The following FAM83D variants were observed in gnomAD, a reference collection of about 807,000 sequenced individuals.
FAM83D encodes scaffolding CK1 anchoring protein D, also known as protein FAM83D.
Under a neutral mutation model 25.4 loss-of-function variants are expected in FAM83D, and 26 were observed. The ratio of observed to expected loss-of-function variants is 1.02; its 90% CI spans 0.75 to 1.42. The LOEUF (loss-of-function observed/expected upper bound fraction) is 1.42, where lower values mean the gene tolerates loss of function less well. FAM83D is among the 40% of genes most tolerant of loss of function. FAM83D has a pLI of 0.00. For missense variants in FAM83D, 740 were observed against 758.1 expected (o/e 0.98, Z 0.28); for synonymous variants, 310 against 318.5 (o/e 0.97, Z 0.28).
At chr20:38,937,600 G>T (rs1419761506) in intron 1 of FAM83D, among the ~76,000 whole-genome samples, 1 of 152,192 alleles carries the variant, frequency 6.6e-6, no homozygotes, top group East Asian at 1.9e-4. Context: ...GGGGGATGGG[G>T]ATGGGGATTT....
At chr20:38,946,497 C>T (rs952668234) in intron 2 of FAM83D, among the ~76,000 whole-genome samples, 4 of 152,110 alleles carry the variant, frequency 2.6e-5, no homozygotes, top group African/African-American at 9.7e-5. Flanking sequence ...AGCTTTGTGC[C>T]ATGTTATCGT....
intron 3 of FAM83D, among the ~76,000 whole-genome samples, chr20:38,950,830 G>A (rs796715489): frequency 1.5e-4 from 22 of 151,338 alleles, no homozygotes; most frequent in African/African-American, 5.4e-4. Context: ...TTTTTGAGAT[G>A]GAGTCTCGCC....
chr20:38,926,957 G>A, intron 1 of FAM83D, 32 bp downstream of exon 1: 1 of 1,409,612 alleles, frequency 7.1e-7, no homozygotes, highest in African/African-American at 1.5e-5. Context: ...TGGGTCGCAC[G>A]GGAGACCCCC....
At chr20:38,937,539 T>C (rs567667375) in intron 1 of FAM83D, among the ~76,000 whole-genome samples, 2 of 152,066 alleles carry the variant, frequency 1.3e-5, no homozygotes, top group Non-Finnish European at 2.9e-5. Flanking sequence ...TAGCCCCAGG[T>C]CTACTTCAGC....
chr20:38,937,406 C>T (rs1019667619), intron 1 of FAM83D, among the ~76,000 whole-genome samples: 5 of 152,188 alleles, frequency 3.3e-5, no homozygotes, highest in African/African-American at 1.2e-4. Flanking sequence ...TCTGGACCCA[C>T]AGGCTGCAGC....
At chr20:38,938,460 G>A (rs1474847438) in intron 1 of FAM83D, among the ~76,000 whole-genome samples, 7 of 152,184 alleles carry the variant, frequency 4.6e-5, no homozygotes, top group Non-Finnish European at 8.8e-5. Flanking sequence ...TGCCTGCCTC[G>A]ATTGGGTCCA....
In FAM83D at chr20:38,935,741, G is replaced by A. The variant is rs138137604; in HGVS notation, c.484-6218G>A. On this transcript the variant is annotated intron_variant, in intron 1 of 3. Coordinates refer to ENST00000619850, the MANE Select transcript of FAM83D (RefSeq NM_030919.3). The stretch of plus-strand genomic sequence containing the variant: ...GATTACAGATGTGAGCCACCGTGCC[G>A]GGCCTAAATTGTTAATTTGATAATA... Among the ~76,000 whole-genome samples the A allele has an allele frequency of 7.9e-4, 121 of 152,246 alleles. 3 individuals carry two copies. In the East Asian group the frequency reaches 0.016, roughly 20 times the overall value.
intron 1 of FAM83D, among the ~76,000 whole-genome samples, chr20:38,934,964 C>G (rs984440147): frequency 6.6e-6 from 1 of 152,066 alleles, no homozygotes; most frequent in Admixed American, 6.5e-5. Context: ...TTCCATGCTA[C>G]CTTTTACCTA....
At position 38,927,339 on chromosome 20, in the gene FAM83D, C is replaced by T. The variant is rs143773509; in HGVS notation, c.483+414C>T. ...TCTTAGGAGACTCATTACCAAAGAA[C>T]TTACGCAGGGAAAGTTCCAGAAAGA... is the stretch of plus-strand genomic sequence containing the variant. On this transcript the variant is annotated intron_variant, in intron 1 of 3. Coordinates refer to ENST00000619850, the MANE Select transcript of FAM83D (RefSeq NM_030919.3). Among the ~76,000 whole-genome samples the T allele has an allele frequency of 7.3e-3, 1,109 of 152,286 alleles. 12 individuals are homozygous for T. Among genetic ancestry groups the T allele is most frequent in the African/African-American group, 0.02 (839 of 41,562 alleles).
intron 3 of FAM83D, among the ~76,000 whole-genome samples, chr20:38,948,652 T>G (rs914657535): frequency 3.3e-5 from 5 of 152,256 alleles, no homozygotes; most frequent in Non-Finnish European, 7.3e-5. Flanking sequence ...AATGGTTGTA[T>G]GTTCTGCCGC....
intron 1 of FAM83D, among the ~76,000 whole-genome samples, chr20:38,935,061 C>T (rs1251516830): frequency 6.6e-6 from 1 of 151,836 alleles, no homozygotes; most frequent in East Asian, 1.9e-4. Context: ...CCTGTGTATA[C>T]TTGTTTATAT....
rs575803015 is a variant in FAM83D, at chr20:38,927,978, T to C, written c.483+1053T>C. ...CTACTGTCTGACTCTTAGTATGGCA[T>C]GGTCATGGGTGCAATGGAGGTCTTG... On this transcript the variant is annotated intron_variant, in intron 1 of 3. Transcript: ENST00000619850. Among the ~76,000 whole-genome samples, 4 of 152,342 alleles carry C rather than the reference T, an allele frequency of 2.6e-5. No individual in the cohort carries two copies. The East Asian group carries it at 7.7e-4, about 29-fold the overall frequency.
At chr20:38,950,323 G>GT (rs1392406038) in intron 3 of FAM83D, among the ~76,000 whole-genome samples, 1 of 152,222 alleles carries the variant, frequency 6.6e-6, no homozygotes, top group Non-Finnish European at 1.5e-5. Context: ...ACTCTGGCCA[G>GT]TGTGGACCAC....
At chr20:38,947,779 G>A in intron 2 of FAM83D, 97 bp from the exon 3 acceptor site, 1 of 1,428,972 alleles carries the variant, frequency 7.0e-7, no homozygotes, top group Non-Finnish European at 9.6e-7. Context: ...AATTATATCT[G>A]GGAATTGTAA....
chr20:38,949,769 C>T (rs758867770), intron 3 of FAM83D, among the ~76,000 whole-genome samples: 19 of 152,270 alleles, frequency 1.2e-4, no homozygotes, highest in Middle Eastern at 3.4e-3. Context: ...CTGATGTTTT[C>T]GAGTTGACTT....
At chr20:38,944,821 C>T (rs2145806256) in intron 2 of FAM83D, among the ~76,000 whole-genome samples, 1 of 152,206 alleles carries the variant, frequency 6.6e-6, no homozygotes, top group Admixed American at 6.5e-5. Flanking sequence ...CGCCTGTAGT[C>T]CCAGCTACTT....
intron 1 of FAM83D, among the ~76,000 whole-genome samples, chr20:38,940,505 A>G (rs1456787672): frequency 1.3e-5 from 2 of 152,252 alleles, no homozygotes; most frequent in Non-Finnish European, 2.9e-5. Context: ...AGTGAAACCC[A>G]TAAATGAATA....
intron 3 of FAM83D, 60 bp from the exon 4 acceptor site, chr20:38,951,479 T>C (rs959157367): frequency 6.5e-7 from 1 of 1,548,648 alleles, no homozygotes; most frequent in African/African-American, 1.4e-5. Context: ...AGATGGACAG[T>C]GAGTAAAACA....
chr20:38,947,788 A>G, intron 2 of FAM83D, 88 bp from the exon 3 acceptor site: 1 of 1,495,266 alleles, frequency 6.7e-7, no homozygotes, highest in Non-Finnish European at 9.1e-7. Flanking sequence ...TGGGAATTGT[A>G]AACTAAGGCT....
Sources: gnomAD v4.1 joint callset for allele counts (sites outside exome capture counted in the v4.1 genomes callset) on GRCh38, gnomAD v4.1.1 for gene constraint, MANE v1.5 for transcripts, NCBI Gene and HGNC (gene_info 2026-07-23, HGNC 2026-07-21) for gene names.